VAT1L: variants seen among roughly 807,000 people sequenced by gnomAD.
The protein encoded by VAT1L is vesicle amine transport 1 like.
Under a neutral mutation model 44.1 loss-of-function variants are expected in VAT1L, and 34 were observed. The observed-to-expected ratio is 0.77, with a 90% CI of 0.59 to 1.03. The LOEUF is 1.03. Among genes scored for constraint, VAT1L ranks in the 50% least tolerant of loss-of-function variants. VAT1L has a pLI of 0.00. For missense variants in VAT1L, 615 were observed against 538.8 expected (o/e 1.14, Z -1.40); for synonymous variants, 253 against 202.2 (o/e 1.25, Z -2.13).
chr16:77,867,670 C>G (rs1028843574), intron 4 of VAT1L, among the ~76,000 whole-genome samples: 1 of 151,950 alleles, frequency 6.6e-6, no homozygotes, highest in Non-Finnish European at 1.5e-5. Flanking sequence ...ACCAGCCTGG[C>G]CAACATGGTG....
intron 6 of VAT1L, among the ~76,000 whole-genome samples, chr16:77,880,177 G>C: frequency 6.6e-6 from 1 of 152,042 alleles, no homozygotes. Flanking sequence ...ACTTTTTTGA[G>C]ACCGAGTCTA....
rs202239474 is a variant in VAT1L at position 77,827,417 on chromosome 16, ATG to A, written c.579+1960_579+1961del. On this transcript the variant is annotated intron_variant, in intron 3 of 8. Coordinates refer to ENST00000302536, the MANE Select transcript of VAT1L (RefSeq NM_020927.3). ...TGTTTTGTTCTTGGAGCAAAGAAGAATGTGTCAGGGGCATGTGTCTTACAAAA... is the reference window on the plus strand; with the variant it reads ...TGTTTTGTTCTTGGAGCAAAGAAGAATGTCAGGGGCATGTGTCTTACAAAA... 3.9e-5 allele frequency among the ~76,000 whole-genome samples: 6 copies of A among 152,360 alleles called. No homozygotes were observed. The East Asian group carries it at 9.6e-4, about 24-fold the overall frequency.
chr16:77,871,668 T>C (rs571341486), intron 4 of VAT1L, among the ~76,000 whole-genome samples: 1 of 152,258 alleles, frequency 6.6e-6, no homozygotes, highest in African/African-American at 2.4e-5. Flanking sequence ...ATGGGGATAA[T>C]GATGGCCCCA....
chr16:77,913,064 G>A (rs1383321187), intron 7 of VAT1L, among the ~76,000 whole-genome samples: 1 of 152,080 alleles, frequency 6.6e-6, no homozygotes, highest in African/African-American at 2.4e-5. Context: ...GCGGGGGTGG[G>A]GTCATAGGCA....
At chr16:77,896,950 T>C (rs1226290603) in intron 7 of VAT1L, among the ~76,000 whole-genome samples, 2 of 152,230 alleles carry the variant, frequency 1.3e-5, no homozygotes, top group Non-Finnish European at 2.9e-5. Flanking sequence ...AGACCAGGAT[T>C]CTGCTGTTTC....
chr16:77,946,672 A>G (rs2017971179), intron 7 of VAT1L, among the ~76,000 whole-genome samples: 1 of 152,242 alleles, frequency 6.6e-6, no homozygotes, highest in African/African-American at 2.4e-5. Context: ...TATACCAACA[A>G]AAATGAACAT....
At position 77,967,853 on chromosome 16, in the gene VAT1L, C is replaced by T. The variant is rs78590662; in HGVS notation, c.1078-3997C>T. Among the ~76,000 whole-genome samples the T allele has an allele frequency of 3.7e-3, 565 of 152,254 alleles. 9 individuals are homozygous for T. Among genetic ancestry groups the T allele is most frequent in the Admixed American group, 0.026 (398 of 15,294 alleles). ...GGAGATCTATGACGTGAGACACTACCTACCTCATTCCTCTGCCTTTGAGAG... is the reference window on the plus strand; with the variant it reads ...GGAGATCTATGACGTGAGACACTACTTACCTCATTCCTCTGCCTTTGAGAG... On this transcript the variant is annotated intron_variant, in intron 7 of 8. Transcript: ENST00000302536.
intron 7 of VAT1L, among the ~76,000 whole-genome samples, chr16:77,896,854 A>G (rs912866946): frequency 2.6e-5 from 4 of 152,232 alleles, no homozygotes; most frequent in African/African-American, 9.6e-5. Context: ...TGTCATTCAG[A>G]TGAAAATACT....
chr16:77,844,876 A>C (rs1043534486), intron 3 of VAT1L, among the ~76,000 whole-genome samples: 1 of 150,746 alleles, frequency 6.6e-6, no homozygotes, highest in Non-Finnish European at 1.5e-5. Context: ...ATATATATGA[A>C]AGGATCAAGA....
intron 1 of VAT1L, among the ~76,000 whole-genome samples, chr16:77,811,392 C>A (rs537631468): frequency 6.6e-6 from 1 of 152,196 alleles, no homozygotes; most frequent in African/African-American, 2.4e-5. Context: ...TCAAATGTGT[C>A]TTCATTTGAT....
chr16:77,813,732 C>G (rs1329993560), intron 1 of VAT1L, among the ~76,000 whole-genome samples: 1 of 152,148 alleles, frequency 6.6e-6, no homozygotes, highest in African/African-American at 2.4e-5. Context: ...AAGTCGTTCT[C>G]TTGATGTGTG....
chr16:77,922,067 C>A lies in VAT1L; in HGVS notation c.1077+37265C>A, dbSNP rs184772235. On this transcript the variant is annotated intron_variant, in intron 7 of 8. Transcript: ENST00000302536. ...TCTAGCCACATATACTTTAGAAAAACCTTTTTTTCAGGTTAGCACCTACTG... is the reference window on the plus strand; with the variant it reads ...TCTAGCCACATATACTTTAGAAAAAACTTTTTTTCAGGTTAGCACCTACTG... Among the ~76,000 whole-genome samples the A allele has an allele frequency of 9.5e-3, 1,443 of 152,212 alleles. 5 individuals are homozygous for A. The highest frequency in any genetic ancestry group is 0.015 in the Non-Finnish European group (996 of 68,014).
At chr16:77,854,530 A>G (rs538596515) in intron 3 of VAT1L, among the ~76,000 whole-genome samples, 7 of 152,208 alleles carry the variant, frequency 4.6e-5, no homozygotes, top group Admixed American at 2.0e-4. Flanking sequence ...CTAAACCTCA[A>G]TGTGGGAGCT....
chr16:77,960,381 C>A (rs1009755645), intron 7 of VAT1L, among the ~76,000 whole-genome samples: 1 of 152,092 alleles, frequency 6.6e-6, no homozygotes, highest in African/African-American at 2.4e-5. Flanking sequence ...TTAAGGAAAC[C>A]AACTCAACAG....
At chr16:77,834,036 A>C (rs1567481886) in intron 3 of VAT1L, among the ~76,000 whole-genome samples, 1 of 151,744 alleles carries the variant, frequency 6.6e-6, no homozygotes, top group Admixed American at 6.6e-5. Flanking sequence ...TATTCTTTTC[A>C]CTCCTTACTT....
intron 7 of VAT1L, among the ~76,000 whole-genome samples, chr16:77,963,522 G>C (rs145248747): frequency 1.3e-5 from 2 of 152,058 alleles, no homozygotes; most frequent in Non-Finnish European, 2.9e-5. Context: ...CCTCCAGAAC[G>C]GTAAGATAAT....
intron 3 of VAT1L, among the ~76,000 whole-genome samples, chr16:77,859,810 G>T (rs1463428962): frequency 6.6e-6 from 1 of 152,168 alleles, no homozygotes; most frequent in East Asian, 1.9e-4. Context: ...CTGGGGAATG[G>T]TGCAGTCCAT....
intron 7 of VAT1L, chr16:77,892,985 C>T (rs2017284362): frequency 1.5e-6 from 1 of 670,316 alleles, no homozygotes; most frequent in South Asian, 1.6e-5. Flanking sequence ...TACCCTCCAT[C>T]CCATTTGCTC....
intron 3 of VAT1L, among the ~76,000 whole-genome samples, chr16:77,828,036 A>G (rs1258623174): frequency 6.6e-6 from 1 of 152,216 alleles, no homozygotes; most frequent in Non-Finnish European, 1.5e-5. Context: ...GTCTCTTTGA[A>G]TAGCGTTCTC....
Sources: allele counts gnomAD v4.1 joint callset (sites outside exome capture counted in the v4.1 genomes callset), GRCh38; gene constraint gnomAD v4.1.1; transcripts MANE v1.5; gene names NCBI Gene and HGNC (gene_info 2026-07-23, HGNC 2026-07-21).